Variants in HAL observed in about 807,000 individuals in gnomAD.
The protein encoded by HAL is histidine ammonia-lyase.
HAL carries 85 observed loss-of-function variants against 81.1 expected under a neutral mutation model. The observed-to-expected ratio is 1.05, with a 90% CI of 0.88 to 1.25. The LOEUF (loss-of-function observed/expected upper bound fraction) is 1.25, where lower values mean the gene tolerates loss of function less well. HAL is among the 50% of genes most tolerant of loss of function. The probability of loss-of-function intolerance (pLI) is 0.00; values close to 1 mark genes in which losing one functional copy is unlikely to be tolerated. For missense variants in HAL, 798 were observed against 836.6 expected (o/e 0.95, Z 0.57); for synonymous variants, 301 against 309.2 (o/e 0.97, Z 0.28).
intron 18 of HAL, 55 bp from the exon 19 acceptor site, chr12:95,976,761 G>C: frequency 8.7e-7 from 1 of 1,150,994 alleles, no homozygotes; most frequent in Non-Finnish European, 1.3e-6. Flanking sequence ...TCATGCTTAA[G>C]GAATGTGGAT....
intron 15 of HAL, among the ~76,000 whole-genome samples, chr12:95,982,557 G>C (rs1012603906): frequency 6.6e-6 from 1 of 152,206 alleles, no homozygotes; most frequent in Non-Finnish European, 1.5e-5. Flanking sequence ...TTCCATCTGG[G>C]GGATGGGGTG....
chr12:95,977,064 A>G (rs761981144), intron 18 of HAL, among the ~76,000 whole-genome samples: 2 of 152,212 alleles, frequency 1.3e-5, no homozygotes, highest in African/African-American at 2.4e-5. Context: ...GTGGGTAGGG[A>G]AGGAAGTCAG....
At chr12:95,981,245 A>C (rs2080792255) in intron 15 of HAL, among the ~76,000 whole-genome samples, 1 of 152,224 alleles carries the variant, frequency 6.6e-6, no homozygotes, top group Non-Finnish European at 1.5e-5. Context: ...TTCAATGGGC[A>C]CTGCAAATTT....
Position 95,987,175 on chromosome 12 carries a change from G to A in HAL, c.943C>T (p.Leu315=). The A allele has an allele frequency of 6.2e-7, 1 of 1,613,924 alleles. No homozygotes were observed. Among genetic ancestry groups the A allele is most frequent in the Non-Finnish European group, 8.5e-7 (1 of 1,179,756 alleles). The change falls in exon 12 of 21, where the codon CTG becomes TTG. Residue 315 remains leucine, a synonymous_variant. Coordinates refer to ENST00000261208, the MANE Select transcript of HAL (RefSeq NM_002108.4). The part of the protein sequence containing the change: ...LINGTQMITS[L]GCEAVERASA... Reference sequence around the variant, plus strand: ...GCTCGCTCTACAGCTTCACAGCCCAGGGATGTGATCATCTGCGTCCCATTG... The same window carrying A: ...GCTCGCTCTACAGCTTCACAGCCCAAGGATGTGATCATCTGCGTCCCATTG...
intron 4 of HAL, 41 bp from the exon 5 acceptor site, chr12:95,994,205 G>C: frequency 1.4e-6 from 2 of 1,394,584 alleles, no homozygotes; most frequent in Non-Finnish European, 2.0e-6. Flanking sequence ...TGAACAGCTT[G>C]ATTATTCTAA....
intron 9 of HAL, among the ~76,000 whole-genome samples, chr12:95,992,093 GT>G (rs1949977289): frequency 6.6e-6 from 1 of 152,142 alleles, no homozygotes; most frequent in Non-Finnish European, 1.5e-5. Flanking sequence ...TGCAAATCTG[GT>G]TTCCACATTA....
rs751975154 is a variant in HAL, at chr12:95,993,964, G to T, written c.446C>A (p.Ser149Tyr). The T allele has an allele frequency of 2.5e-6, 4 of 1,611,140 alleles. No individual in the cohort carries two copies. In the East Asian group the frequency reaches 8.9e-5, roughly 36 times the overall value. ...TPTAEKRVQK[S>Y]REVIDSIIKE... ...TATGATGCTATCTATGACCTCCCTG[G>T]ATTTCTGCACCCTCTTCTCAGCTGT... The change falls in exon 6 of 21, where the codon TCC (serine) becomes TAC (tyrosine). Residue 149 changes from serine to tyrosine, a missense_variant. Ser to Tyr is a moderately radical substitution (Grantham distance 144, BLOSUM62 -2). Coordinates refer to ENST00000261208, the MANE Select transcript of HAL (RefSeq NM_002108.4).
chr12:95,976,122 G>A, intron 20 of HAL: 2 of 402,590 alleles, frequency 5.0e-6, no homozygotes, highest in Non-Finnish European at 9.4e-6. Context: ...AGGACATCTT[G>A]CAGGGGTGGG....
intron 15 of HAL, 85 bp downstream of exon 15, chr12:95,983,826 G>A: frequency 1.3e-6 from 1 of 782,078 alleles, no homozygotes; most frequent in Admixed American, 1.9e-5. Context: ...GAACTGAGAA[G>A]CTACACAAAA....
At chr12:95,987,291 G>C in intron 11 of HAL, 77 bp from the exon 12 acceptor site, 1 of 1,250,420 alleles carries the variant, frequency 8.0e-7, no homozygotes, top group Non-Finnish European at 1.2e-6. Context: ...TGTATCTTTT[G>C]CTTTCATAAG....
chr12:95,987,439 A>T, intron 11 of HAL, among the ~76,000 whole-genome samples: 1 of 152,210 alleles, frequency 6.6e-6, no homozygotes, highest in Non-Finnish European at 1.5e-5. Flanking sequence ...CAAATGAAAC[A>T]CTCATTAAGT....
chr12:95,994,986 C>A lies in HAL; in HGVS notation c.255G>T (p.Glu85Asp), dbSNP rs1458172066. 6.2e-7 allele frequency: 1 copy of A among 1,609,328 alleles called. No individual in the cohort carries two copies. The highest frequency in any genetic ancestry group is 1.7e-5 in the Admixed American group (1 of 60,004). Residue 85 changes from glutamate to aspartate, a missense_variant, in exon 3 of 21, where the codon GAG becomes GAT. Glu to Asp is a conservative substitution (Grantham distance 45). Coordinates refer to ENST00000261208, the MANE Select transcript of HAL (RefSeq NM_002108.4). ...ENNEFVEVVI[E>D]GDAMSPDFIP... Reference sequence around the variant, plus strand: ...TGAAGTCAGGAGACATGGCATCACCCTCTATAACTAAAACAATGCACGGGA... The same window carrying A: ...TGAAGTCAGGAGACATGGCATCACCATCTATAACTAAAACAATGCACGGGA...
Position 95,974,871 on chromosome 12 carries a change from C to T in HAL, c.1834-499G>A, listed in dbSNP as rs144189002. 5.9e-5 allele frequency among the ~76,000 whole-genome samples: 9 copies of T among 152,230 alleles called. No individual in the cohort carries two copies. In the East Asian group the frequency reaches 1.7e-3, roughly 29 times the overall value. On this transcript the variant is annotated intron_variant, in intron 20 of 20. Coordinates refer to ENST00000261208, the MANE Select transcript of HAL (RefSeq NM_002108.4). ...TCTTGTGCCTCAGCCTCCTGAGTAG[C>T]TGGGATTACAGGTGCATGCCACCAG... is the stretch of plus-strand genomic sequence containing the variant.
In HAL at chr12:95,993,992, G is replaced by A. The variant is rs1384758091; in HGVS notation, c.418C>T (p.Pro140Ser). The A allele has an allele frequency of 6.2e-7, 1 of 1,611,294 alleles. No homozygotes were observed. Among genetic ancestry groups the A allele is most frequent in the South Asian group, 1.1e-5 (1 of 90,996 alleles). The change falls in exon 6 of 21, where the codon CCA becomes TCA. Residue 140 changes from proline (P) to serine (S), a missense_variant. Pro to Ser is a moderately conservative substitution (Grantham distance 74, BLOSUM62 -1). Coordinates refer to ENST00000261208, the MANE Select transcript of HAL (RefSeq NM_002108.4). ...GKGRYKIKLTPTAEKRVQKSR... is the reference protein window; with the variant it reads ...GKGRYKIKLTSTAEKRVQKSR... ...TTCTGCACCCTCTTCTCAGCTGTTGGGGTGAGCTAGGAAAATGTTGATCAG... is the reference window on the plus strand; with the variant it reads ...TTCTGCACCCTCTTCTCAGCTGTTGAGGTGAGCTAGGAAAATGTTGATCAG...
At chr12:95,979,057 C>T (rs571865547) in intron 17 of HAL, among the ~76,000 whole-genome samples, 2 of 152,194 alleles carry the variant, frequency 1.3e-5, no homozygotes, top group East Asian at 1.9e-4. Flanking sequence ...AAGGCTTGTT[C>T]GGAAAGATAA....
At chr12:95,977,124 A>G (rs1289030099) in intron 18 of HAL, among the ~76,000 whole-genome samples, 1 of 152,162 alleles carries the variant, frequency 6.6e-6, no homozygotes. Context: ...AAATAATTGT[A>G]TGCATTTCAT....
At chr12:95,976,233 C>A in intron 20 of HAL, 196 bp downstream of exon 20, 1 of 638,548 alleles carries the variant, frequency 1.6e-6, no homozygotes, top group South Asian at 1.7e-5. Flanking sequence ...GATATTCAAC[C>A]GTTGGCTGCA....
Position 95,974,292 on chromosome 12 carries a change from G to T in HAL, c.1914C>A (p.Ala638=). 6.2e-7 allele frequency: 1 copy of T among 1,613,518 alleles called. No homozygotes were observed. The highest frequency in any genetic ancestry group is 8.5e-7 in the Non-Finnish European group (1 of 1,179,462). ...TCTTGTGCAGAAATTGCAGTGAAAA[G>T]GCTGTTGGAGAAAGAGGTCTTGATT... ...IPESRPLSPT[A]FSLQFLHKKS... is the part of the protein sequence containing the mutation. Residue 638 remains alanine (A), a synonymous_variant, in exon 21 of 21, where the codon GCC becomes GCA. Coordinates refer to ENST00000261208, the MANE Select transcript of HAL (RefSeq NM_002108.4).
chr12:95,977,937 G>A lies in HAL; in HGVS notation c.1654+7C>T. The stretch of plus-strand genomic sequence containing the variant: ...CAGGCCCGCCACCCCGAACTCATCA[G>A]CATTACCTTGCTCCACATGCTCGAT... On this transcript the variant is annotated splice_region_variant and intron_variant, in intron 18 of 20. Coordinates refer to ENST00000261208, the MANE Select transcript of HAL (RefSeq NM_002108.4). 6.2e-7 allele frequency: 1 copy of A among 1,614,012 alleles called. No individual in the cohort carries two copies. The highest frequency in any genetic ancestry group is 8.5e-7 in the Non-Finnish European group (1 of 1,179,912).
Sources: allele counts gnomAD v4.1 joint callset (sites outside exome capture counted in the v4.1 genomes callset), GRCh38; gene constraint gnomAD v4.1.1; transcripts MANE v1.5; gene names NCBI Gene and HGNC (gene_info 2026-07-23, HGNC 2026-07-21).